CNTN3: variants seen among roughly 807,000 people sequenced by gnomAD.
The protein encoded by CNTN3 is contactin 3.
Under a neutral mutation model 119.1 loss-of-function variants are expected in CNTN3, and 60 were observed. That is an observed-to-expected ratio of 0.50 (90% CI 0.41 to 0.62). The LOEUF is 0.62. Ranked by LOEUF, CNTN3 falls within the 20% of genes least tolerant of loss-of-function variation. The pLI is 0.00. For missense variants in CNTN3, 1,101 were observed against 1,242.4 expected (o/e 0.89, Z 1.71); for synonymous variants, 450 against 438.7 (o/e 1.03, Z -0.32).
chr3:74,301,619 C>T (rs1321932704), intron 15 of CNTN3, 28 bp downstream of exon 15: 1 of 1,613,138 alleles, frequency 6.2e-7, no homozygotes. Context: ...TATATGTGTG[C>T]AGATGACATC....
chr3:74,298,094 G>T lies in CNTN3; in HGVS notation c.2264C>A (p.Ser755Tyr). The T allele has an allele frequency of 6.2e-7, 1 of 1,613,774 alleles. No individual in the cohort carries two copies. The highest frequency in any genetic ancestry group is 8.5e-7 in the Non-Finnish European group (1 of 1,179,808). The change falls in exon 18 of 23, where the codon TCC (serine) becomes TAC (tyrosine). Residue 755 changes from serine to tyrosine, a missense_variant. By Grantham distance (144) the Ser-to-Tyr change is moderately radical. Coordinates refer to ENST00000263665, the MANE Select transcript of CNTN3 (RefSeq NM_020872.3). ...AAAGACATATCTTGGGGTGTCAGGG[G>T]ATGTCACCACTGTCTGGATCCAGGT... is the stretch of plus-strand genomic sequence containing the variant. ...VTTWIQTVVT[S>Y]PDTPRYVFRN...
chr3:74,359,738 A>C (rs1256754534), intron 11 of CNTN3, among the ~76,000 whole-genome samples: 1 of 152,174 alleles, frequency 6.6e-6, no homozygotes, highest in Admixed American at 6.5e-5. Context: ...TCTACCTACT[A>C]TATTTGCTAC....
chr3:74,579,990 T>C (rs1308474430), intron 1 of CNTN3, among the ~76,000 whole-genome samples: 1 of 152,062 alleles, frequency 6.6e-6, no homozygotes, highest in Non-Finnish European at 1.5e-5. Context: ...TCATTACCAA[T>C]ACTGCTGAAA....
At chr3:74,589,716 A>G (rs1287058591) in intron 1 of CNTN3, among the ~76,000 whole-genome samples, 1 of 151,078 alleles carries the variant, frequency 6.6e-6, no homozygotes, top group Non-Finnish European at 1.5e-5. Context: ...CCAAATGTCC[A>G]ACAATGATAG....
At chr3:74,334,600 C>T (rs1401147751) in intron 13 of CNTN3, 135 bp downstream of exon 13, 1 of 701,224 alleles carries the variant, frequency 1.4e-6, no homozygotes, top group Admixed American at 2.9e-5. Flanking sequence ...CAAAACAGAA[C>T]TGAGAACCAC....
chr3:74,430,527 G>C (rs889834830), intron 4 of CNTN3, among the ~76,000 whole-genome samples: 4 of 152,172 alleles, frequency 2.6e-5, no homozygotes, highest in African/African-American at 9.7e-5. Flanking sequence ...AGGGTTGCTT[G>C]AGACCAGGAG....
intron 8 of CNTN3, among the ~76,000 whole-genome samples, chr3:74,367,934 T>A (rs926229015): frequency 6.6e-6 from 1 of 151,960 alleles, no homozygotes; most frequent in Non-Finnish European, 1.5e-5. Context: ...TGAGAAAAGG[T>A]TACTTGCTTT....
At chr3:74,601,636 T>C (rs758598704) in intron 1 of CNTN3, among the ~76,000 whole-genome samples, 4 of 152,172 alleles carry the variant, frequency 2.6e-5, no homozygotes, top group South Asian at 2.1e-4. Context: ...GATTGCATTA[T>C]TGGCCCAAAT....
intron 5 of CNTN3, among the ~76,000 whole-genome samples, chr3:74,384,860 T>G (rs1254807984): frequency 1.3e-5 from 2 of 152,212 alleles, no homozygotes; most frequent in Non-Finnish European, 2.9e-5. Context: ...ATATTTGTTT[T>G]GTACCAAATT....
At chr3:74,506,608 T>C (rs1483209984) in intron 2 of CNTN3, among the ~76,000 whole-genome samples, 2 of 151,984 alleles carry the variant, frequency 1.3e-5, no homozygotes, top group Admixed American at 6.6e-5. Context: ...AACATAATTA[T>C]ACCTTTCTTG....
At chr3:74,520,965 G>A (rs1703533036) in intron 2 of CNTN3, 93 bp downstream of exon 2, 2 of 600,584 alleles carry the variant, frequency 3.3e-6, no homozygotes, top group Admixed American at 3.5e-5. Flanking sequence ...TTTGCTACTG[G>A]TGGAGTTTTA....
At chr3:74,476,335 T>C (rs74843164) in intron 4 of CNTN3, among the ~76,000 whole-genome samples, 339 of 152,264 alleles carry the variant, frequency 2.2e-3, no homozygotes, top group Middle Eastern at 0.01. Context: ...GTAATGAACA[T>C]TGACTATTTA....
chr3:74,559,996 C>G (rs1704129241), intron 1 of CNTN3, among the ~76,000 whole-genome samples: 1 of 152,176 alleles, frequency 6.6e-6, no homozygotes, highest in Non-Finnish European at 1.5e-5. Context: ...ATCATCCATT[C>G]AAAGAGTGGC....
Position 74,338,496 on chromosome 3 carries a change from G to A in CNTN3, c.1365-1838C>T, listed in dbSNP as rs1206524050. On this transcript the variant is annotated intron_variant, in intron 11 of 22. Coordinates refer to ENST00000263665, the MANE Select transcript of CNTN3 (RefSeq NM_020872.3). ...TATGTGCGTATGTGTACACACGTGCGTGTGTGTGTGTATACACATATGTGT... is the reference window on the plus strand; with the variant it reads ...TATGTGCGTATGTGTACACACGTGCATGTGTGTGTGTATACACATATGTGT... Among the ~76,000 whole-genome samples, 5 of 12,096 alleles carry A rather than the reference G, an allele frequency of 4.1e-4. No individual in the cohort carries two copies. The African/African-American group carries it at 7.1e-3, about 17-fold the overall frequency. The allele number at this position is 12,096 out of a possible 152,430, so 7.9% of individuals were successfully genotyped here.
chr3:74,572,550 T>C (rs908344795), intron 1 of CNTN3, among the ~76,000 whole-genome samples: 7 of 152,170 alleles, frequency 4.6e-5, no homozygotes, highest in African/African-American at 7.2e-5. Flanking sequence ...ATATTGTTCA[T>C]GTAAAACACA....
intron 5 of CNTN3, among the ~76,000 whole-genome samples, chr3:74,378,926 TACTC>T (rs549674916): frequency 3.2e-4 from 49 of 152,204 alleles, no homozygotes; most frequent in Non-Finnish European, 5.0e-4. Flanking sequence ...AAGACTTTGG[TACTC>T]ACTATTTCCT....
intron 1 of CNTN3, among the ~76,000 whole-genome samples, chr3:74,581,846 C>CA (rs1218930696): frequency 6.6e-6 from 1 of 152,066 alleles, no homozygotes; most frequent in African/African-American, 2.4e-5. Flanking sequence ...CAAGGCAGTG[C>CA]ACGGGGGAAG....
At chr3:74,451,103 T>C (rs967325837) in intron 4 of CNTN3, among the ~76,000 whole-genome samples, 1 of 152,112 alleles carries the variant, frequency 6.6e-6, no homozygotes, top group Admixed American at 6.6e-5. Flanking sequence ...ACTTCCACAA[T>C]GGTTGAACTA....
chr3:74,608,733 A>G (rs1705032674), intron 1 of CNTN3, among the ~76,000 whole-genome samples: 1 of 152,228 alleles, frequency 6.6e-6, no homozygotes, highest in African/African-American at 2.4e-5. Context: ...AATTAAAAAG[A>G]TTAGACTTTC....
Sources: allele counts gnomAD v4.1 joint callset (sites outside exome capture counted in the v4.1 genomes callset), GRCh38; gene constraint gnomAD v4.1.1; transcripts MANE v1.5; gene names NCBI Gene and HGNC (gene_info 2026-07-23, HGNC 2026-07-21).